DLG2: variants seen among roughly 807,000 people sequenced by gnomAD.
DLG2 encodes disks large homolog 2.
DLG2 carries 45 observed loss-of-function variants against 132.5 expected under a neutral mutation model. The ratio of observed to expected loss-of-function variants is 0.34; its 90% confidence interval spans 0.27 to 0.44. The LOEUF (loss-of-function observed/expected upper bound fraction) is 0.44, where lower values mean the gene tolerates loss of function less well. DLG2 is among the 20% of genes least tolerant of loss of function. DLG2 has a pLI of 1.00. For synonymous variants in DLG2, 424 were observed against 419.6 expected (o/e 1.01, Z -0.13); for missense variants, 1,045 against 1,196.9 (o/e 0.87, Z 1.87).
At chr11:84,252,988 A>G (rs1315432083) in intron 7 of DLG2, among the ~76,000 whole-genome samples, 1 of 152,334 alleles carries the variant, frequency 6.6e-6, no homozygotes, top group East Asian at 1.9e-4. Context: ...GCAATCCAGC[A>G]GGTTTTACAA....
chr11:84,590,892 G>T (rs893813665), intron 6 of DLG2, among the ~76,000 whole-genome samples: 1 of 152,136 alleles, frequency 6.6e-6, no homozygotes, highest in Non-Finnish European at 1.5e-5. Flanking sequence ...TGAGATCTGG[G>T]CCTGTTCCTA....
intron 19 of DLG2, among the ~76,000 whole-genome samples, chr11:83,570,246 A>G (rs1017043987): frequency 6.6e-6 from 1 of 152,194 alleles, no homozygotes; most frequent in Non-Finnish European, 1.5e-5. Context: ...ACCAAAGTTC[A>G]CAGGTAAAAC....
intron 6 of DLG2, among the ~76,000 whole-genome samples, chr11:85,038,818 A>G (rs1566709626): frequency 1.3e-5 from 2 of 152,002 alleles, no homozygotes; most frequent in Admixed American, 6.6e-5. Context: ...TAAATTAGAC[A>G]CCACATATGG....
intron 18 of DLG2, among the ~76,000 whole-genome samples, chr11:83,642,868 T>C (rs1202631865): frequency 1.3e-5 from 2 of 151,976 alleles, no homozygotes; most frequent in African/African-American, 2.4e-5. Context: ...ATATGCAGAA[T>C]AGAAAAAAAG....
At chr11:84,155,666 A>G (rs1190429226) in intron 9 of DLG2, among the ~76,000 whole-genome samples, 1 of 151,934 alleles carries the variant, frequency 6.6e-6, no homozygotes, top group Non-Finnish European at 1.5e-5. Context: ...TTCTTCTCAA[A>G]TTATTCCAAC....
chr11:85,488,537 C>A (rs1420875489), intron 3 of DLG2, among the ~76,000 whole-genome samples: 1 of 152,172 alleles, frequency 6.6e-6, no homozygotes, highest in African/African-American at 2.4e-5. Flanking sequence ...ATGTCTTCAT[C>A]AGCAGTGTGA....
At chr11:83,616,500 G>GTTGT (rs547187877) in intron 19 of DLG2, among the ~76,000 whole-genome samples, 8 of 149,800 alleles carry the variant, frequency 5.3e-5, no homozygotes, top group African/African-American at 2.0e-4. Context: ...AAAAAAAAAT[G>GTTGT]TTTTTTTTTT....
intron 7 of DLG2, among the ~76,000 whole-genome samples, chr11:84,264,091 G>C (rs1395314785): frequency 6.6e-6 from 1 of 152,114 alleles, no homozygotes; most frequent in Non-Finnish European, 1.5e-5. Flanking sequence ...GAAAAACATG[G>C]AGAAAAATAA....
intron 6 of DLG2, among the ~76,000 whole-genome samples, chr11:84,581,041 T>C: frequency 6.6e-6 from 1 of 152,216 alleles, no homozygotes; most frequent in East Asian, 1.9e-4. Flanking sequence ...AGCCATTCTG[T>C]CTTTACACAA....
At chr11:84,580,615 T>A (rs2099514085) in intron 6 of DLG2, among the ~76,000 whole-genome samples, 1 of 152,232 alleles carries the variant, frequency 6.6e-6, no homozygotes, top group Non-Finnish European at 1.5e-5. Flanking sequence ...GCAGCTGCTG[T>A]ACTCTAATTC....
chr11:85,407,537 C>T (rs2088871202), intron 3 of DLG2, among the ~76,000 whole-genome samples: 1 of 151,778 alleles, frequency 6.6e-6, no homozygotes, highest in Non-Finnish European at 1.5e-5. Flanking sequence ...TATTAGATTT[C>T]CTTCTGAAGT....
chr11:85,357,680 C>T (rs1215655896), intron 3 of DLG2, among the ~76,000 whole-genome samples: 2 of 129,894 alleles, frequency 1.5e-5, no homozygotes, highest in African/African-American at 5.8e-5. Flanking sequence ...TATATATGTA[C>T]AATACGCCAG....
chr11:85,185,993 T>C (rs1429256435), intron 4 of DLG2, among the ~76,000 whole-genome samples: 1 of 152,014 alleles, frequency 6.6e-6, no homozygotes, highest in Non-Finnish European at 1.5e-5. Flanking sequence ...GTCAACAAAA[T>C]ACCAAAGCTC....
At chr11:83,516,408 C>T (rs1226828611) in intron 21 of DLG2, among the ~76,000 whole-genome samples, 7 of 152,252 alleles carry the variant, frequency 4.6e-5, no homozygotes, top group African/African-American at 1.4e-4. Flanking sequence ...TATTTTGAGC[C>T]TATGTGTGTC....
intron 17 of DLG2, among the ~76,000 whole-genome samples, chr11:83,814,194 T>C (rs1282596929): frequency 6.6e-6 from 1 of 152,246 alleles, no homozygotes; most frequent in Non-Finnish European, 1.5e-5. Context: ...TGCATATACA[T>C]ACAAGGCAAG....
chr11:83,905,398 A>G (rs748265072), intron 15 of DLG2, among the ~76,000 whole-genome samples: 19 of 152,160 alleles, frequency 1.2e-4, no homozygotes, highest in Non-Finnish European at 2.8e-4. Context: ...CCTTCCCTCT[A>G]GTCTTATTTC....
intron 3 of DLG2, among the ~76,000 whole-genome samples, chr11:85,357,500 T>C (rs962830601): frequency 1.0e-4 from 15 of 147,204 alleles, no homozygotes; most frequent in South Asian, 4.5e-4. Flanking sequence ...CTTTAAGTAG[T>C]TGGAGGTGGC....
intron 6 of DLG2, among the ~76,000 whole-genome samples, chr11:84,993,692 T>G (rs1003895317): frequency 1.4e-5 from 1 of 69,592 alleles, no homozygotes; most frequent in Non-Finnish European, 2.4e-5. Flanking sequence ...CTTTAATCTT[T>G]ACCTCTAATG....
chr11:84,768,619 T>G (rs1286874579), intron 6 of DLG2, among the ~76,000 whole-genome samples: 1 of 152,176 alleles, frequency 6.6e-6, no homozygotes, highest in African/African-American at 2.4e-5. Context: ...GCTAGGTGGA[T>G]TCATTGTTAT....
Sources: gnomAD v4.1 joint callset for allele counts (sites outside exome capture counted in the v4.1 genomes callset) on GRCh38, gnomAD v4.1.1 for gene constraint, MANE v1.5 for transcripts, NCBI Gene and HGNC (gene_info 2026-07-23, HGNC 2026-07-21) for gene names.